The following MICAL3 variants were observed in gnomAD, a reference collection of about 807,000 sequenced individuals.
MICAL3 encodes [F-actin]-monooxygenase MICAL3.
In MICAL3, 62 loss-of-function variants were observed where a neutral mutation model predicts 207.4. That is an observed-to-expected ratio of 0.30 (90% CI 0.24 to 0.37). The LOEUF is 0.37. MICAL3 is among the 10% of genes least tolerant of loss of function. The probability of loss-of-function intolerance (pLI) is 1.00; values close to 1 mark genes in which losing one functional copy is unlikely to be tolerated. For synonymous variants in MICAL3, 1,077 were observed against 1,069.3 expected (o/e 1.01, Z -0.14); for missense variants, 2,368 against 2,635.6 (o/e 0.90, Z 2.22).
Position 17,822,139 on chromosome 22 carries a change from A to G in MICAL3, c.3339T>C (p.Ala1113=). 1 of 1,613,834 alleles carries G rather than the reference A, an allele frequency of 6.2e-7. No individual in the cohort carries two copies. Residue 1113 remains alanine, a synonymous_variant, in exon 24 of 32, where the codon GCT becomes GCC. Coordinates refer to ENST00000441493, the MANE Select transcript of MICAL3 (RefSeq NM_015241.3). ...DQHWSDSPSD[A]DRELRLPCPA... is the part of the protein sequence containing the mutation. ...GGCACGGCAAACGCAGCTCTCTGTC[A>G]GCATCCGACGGGCTGTCAGACCAGT...
At chr22:18,008,381 G>A (rs1923536013) in intron 1 of MICAL3, among the ~76,000 whole-genome samples, 1 of 152,198 alleles carries the variant, frequency 6.6e-6, no homozygotes, top group African/African-American at 2.4e-5. Flanking sequence ...GAAATCCCAA[G>A]CCATGTGTAG....
chr22:17,817,668 G>A lies in MICAL3; in HGVS notation c.4993C>T (p.His1665Tyr), dbSNP rs1921147846. ...AGGACCTCCTCGCTGGTGGCTTCATGCTTCAGGGTGGGCTCCTCGGAGCCC... is the reference window on the plus strand; with the variant it reads ...AGGACCTCCTCGCTGGTGGCTTCATACTTCAGGGTGGGCTCCTCGGAGCCC... ...LRGSEEPTLK[H>Y]EATSEEVLSP... Residue 1665 changes from histidine (H) to tyrosine (Y), a missense_variant, in exon 26 of 32, where the codon CAT becomes TAT. Around this residue, in one of 4 missense-constraint regions of MICAL3, gnomAD observed 1,770 missense variants for 1,863.2 expected, o/e 0.95. Transcript: ENST00000441493. 6.2e-7 allele frequency: 1 copy of A among 1,610,960 alleles called. No individual in the cohort carries two copies. Among genetic ancestry groups the A allele is most frequent in the South Asian group, 1.1e-5 (1 of 91,012 alleles).
chr22:17,819,599 A>G (rs12483900), intron 25 of MICAL3, among the ~76,000 whole-genome samples: 1 of 152,062 alleles, frequency 6.6e-6, no homozygotes, highest in African/African-American at 2.4e-5. Context: ...AGATTCCTGC[A>G]CCAGCCCTTA....
intron 29 of MICAL3, among the ~76,000 whole-genome samples, chr22:17,803,035 G>A (rs1292198838): frequency 6.6e-6 from 1 of 152,186 alleles, no homozygotes; most frequent in African/African-American, 2.4e-5. Context: ...GAGGGCATCA[G>A]AACCCACTGG....
At chr22:17,908,947 C>A (rs1931942794) in intron 1 of MICAL3, among the ~76,000 whole-genome samples, 4 of 152,168 alleles carry the variant, frequency 2.6e-5, no homozygotes, top group Admixed American at 1.3e-4. Flanking sequence ...GGTAAGCACA[C>A]TGAGCAGCAG....
At chr22:17,912,265 G>A (rs1348014597) in intron 1 of MICAL3, among the ~76,000 whole-genome samples, 2 of 152,018 alleles carry the variant, frequency 1.3e-5, no homozygotes, top group African/African-American at 4.8e-5. Context: ...GAAATCAGGA[G>A]GCATGAGTCC....
rs771300506 is a variant in MICAL3 at position 17,818,732 on chromosome 22, C to T, written c.3929G>A (p.Ser1310Asn). 1.9e-6 allele frequency: 3 copies of T among 1,608,826 alleles called. No individual in the cohort carries two copies. The highest frequency in any genetic ancestry group is 1.1e-5 in the South Asian group (1 of 90,534). Residue 1310 changes from serine (S) to asparagine (N), a missense_variant, in exon 26 of 32, where the codon AGC (serine) becomes AAC (asparagine). By Grantham distance (46) the Ser-to-Asn change is conservative (BLOSUM62 1). This residue lies in a region of MICAL3 where 1,770 missense variants were observed against 1,863.2 expected (regional missense o/e 0.95). Transcript: ENST00000441493. ...GAGGGCCTCATCCACAGCAAGGGGG[C>T]TGCCCAGTCTGTCCTTGGTGTCACT... ...SQSDTKDRLG[S>N]PLAVDEALRR...
Position 17,832,043 on chromosome 22 carries a change from A to G in MICAL3, c.2866T>C (p.Ser956Pro). The G allele has an allele frequency of 6.2e-7, 1 of 1,603,384 alleles. No individual in the cohort carries two copies. The highest frequency in any genetic ancestry group is 8.5e-7 in the Non-Finnish European group (1 of 1,175,494). The change falls in exon 21 of 32, where the codon TCT becomes CCT. Residue 956 changes from serine (S) to proline (P), a missense_variant. By Grantham distance (74) the Ser-to-Pro change is moderately conservative. Transcript: ENST00000441493. ...TTCCACGGAACACCACCCAGGTCAG[A>G]TGGGGGCAGGCGAGGCTCCTCCTCC... Reference protein sequence around the residue: ...EEEEEPRLPPSDLGGVPWKEA... With the variant: ...EEEEEPRLPPPDLGGVPWKEA...
chr22:17,978,723 T>C (rs1172275857), intron 1 of MICAL3, among the ~76,000 whole-genome samples: 1 of 151,848 alleles, frequency 6.6e-6, no homozygotes, highest in Admixed American at 6.6e-5. Context: ...TTCACCACGT[T>C]GGCTAGGCTG....
chr22:17,992,792 A>G (rs553748739), intron 1 of MICAL3, among the ~76,000 whole-genome samples: 5 of 152,286 alleles, frequency 3.3e-5, no homozygotes, highest in Admixed American at 3.3e-4. Context: ...TTGCTCCCTG[A>G]ACATTTATCT....
At chr22:17,980,408 T>A (rs1336899091) in intron 1 of MICAL3, among the ~76,000 whole-genome samples, 1 of 152,318 alleles carries the variant, frequency 6.6e-6, no homozygotes, top group African/African-American at 2.4e-5. Flanking sequence ...CTCCACAGCA[T>A]TTTGTTCAAA....
chr22:17,901,235 A>C (rs1448906419), intron 5 of MICAL3, among the ~76,000 whole-genome samples: 1 of 152,198 alleles, frequency 6.6e-6, no homozygotes, highest in Non-Finnish European at 1.5e-5. Flanking sequence ...ACTGGCCAGA[A>C]TATTACTCAG....
chr22:17,906,084 T>C (rs1425681848), intron 2 of MICAL3, among the ~76,000 whole-genome samples: 2 of 152,252 alleles, frequency 1.3e-5, no homozygotes, highest in Non-Finnish European at 2.9e-5. Context: ...GGCTTGGCTA[T>C]GTCCCTGCTA....
At chr22:17,961,085 C>T (rs1396108506) in intron 1 of MICAL3, among the ~76,000 whole-genome samples, 2 of 152,104 alleles carry the variant, frequency 1.3e-5, no homozygotes, top group African/African-American at 4.8e-5. Flanking sequence ...CACCTAGGGA[C>T]ACCAGGGTGG....
intron 1 of MICAL3, among the ~76,000 whole-genome samples, chr22:17,991,036 G>A (rs571504854): frequency 1.3e-5 from 2 of 152,358 alleles, no homozygotes; most frequent in African/African-American, 4.8e-5. Context: ...GGAGCTGAGT[G>A]GGGCAGCGCA....
chr22:17,997,853 TA>T (rs1922467522), intron 1 of MICAL3, among the ~76,000 whole-genome samples: 1 of 151,592 alleles, frequency 6.6e-6, no homozygotes, highest in Admixed American at 6.6e-5. Flanking sequence ...AAACACTCAA[TA>T]AATGTTAACT....
intron 1 of MICAL3, among the ~76,000 whole-genome samples, chr22:17,970,785 T>A (rs1935375805): frequency 6.9e-6 from 1 of 145,586 alleles, no homozygotes; most frequent in Non-Finnish European, 1.5e-5. Context: ...AAAATTTTTT[T>A]ATCTGTTACG....
Position 17,897,000 on chromosome 22 carries a change from G to A in MICAL3, c.949-19C>T. On this transcript the variant is annotated intron_variant, in intron 7 of 31. Transcript: ENST00000441493. ...CGTAGTCCTGTCTCCAGAGAAAGAG[G>A]AGGGTAGGGATGGAGAAGCTCTGGC... The A allele has an allele frequency of 6.3e-7, 1 of 1,597,848 alleles. No homozygotes were observed. Among genetic ancestry groups the A allele is most frequent in the Non-Finnish European group, 8.5e-7 (1 of 1,172,104 alleles).
At chr22:17,848,369 C>T (rs552676881) in intron 19 of MICAL3, among the ~76,000 whole-genome samples, 6 of 152,298 alleles carry the variant, frequency 3.9e-5, no homozygotes, top group South Asian at 2.1e-4. Context: ...TACTGGGAAA[C>T]GGGGATGACA....
Sources: gnomAD v4.1 joint callset for allele counts (sites outside exome capture counted in the v4.1 genomes callset) on GRCh38, gnomAD v4.1.1 for gene constraint, gnomAD v4.1.1 regional missense constraint, MANE v1.5 for transcripts, NCBI Gene and HGNC (gene_info 2026-07-23, HGNC 2026-07-21) for gene names.